The following PGM5 variants were observed in gnomAD, a reference collection of about 807,000 sequenced individuals.
The protein encoded by PGM5 is phosphoglucomutase-like protein 5.
PGM5 carries 23 observed loss-of-function variants against 59.2 expected under a neutral mutation model. The ratio of observed to expected loss-of-function variants is 0.39; its 90% CI spans 0.28 to 0.55. The LOEUF is 0.55. Among genes scored for constraint, PGM5 ranks in the 20% least tolerant of loss-of-function variants. The pLI, the probability that PGM5 is intolerant of heterozygous loss-of-function variation, is 0.66. For missense variants in PGM5, 574 were observed against 748.3 expected (o/e 0.77, Z 2.72); for synonymous variants, 214 against 286.0 (o/e 0.75, Z 2.54).
intron 10 of PGM5, among the ~76,000 whole-genome samples, chr9:68,510,683 G>T (rs572559901): frequency 4.8e-4 from 73 of 152,268 alleles, no homozygotes; most frequent in African/African-American, 1.7e-3. Context: ...CCAGGTTAAA[G>T]GTCATGGCCT....
intron 10 of PGM5, among the ~76,000 whole-genome samples, chr9:68,503,052 G>T (rs1564023944): frequency 1.3e-5 from 2 of 152,044 alleles, no homozygotes; most frequent in Non-Finnish European, 2.9e-5. Flanking sequence ...TAAGAACCAG[G>T]TCCCTCATAT....
At position 68,452,463 on chromosome 9, in the gene PGM5, A is replaced by G. The variant is rs180889407; in HGVS notation, c.1044-12630A>G. Among the ~76,000 whole-genome samples the G allele has an allele frequency of 2.0e-5, 3 of 152,282 alleles. No homozygotes were observed. The East Asian group carries it at 5.8e-4, about 29-fold the overall frequency. ...AGTCTCTGCTTCTCCAGTTGATCTC[A>G]GGAACTTCCTGTTCTCACCAACCTA... On this transcript the variant is annotated intron_variant, in intron 6 of 10. Transcript: ENST00000396396.
intron 2 of PGM5, among the ~76,000 whole-genome samples, chr9:68,383,694 C>CA (rs71353049): frequency 0.36 from 35,519 of 99,216 alleles, 5,274 homozygotes; most frequent in Admixed American, 0.45. Context: ...AACCTTGTTG[C>CA]AAAAAAAAAA....
intron 6 of PGM5, chr9:68,398,694 G>T (rs1276234505): frequency 2.0e-5 from 3 of 152,170 alleles, no homozygotes; most frequent in Admixed American, 2.0e-4. Flanking sequence ...TGCCTCCTGG[G>T]GAAGAGAACA....
intron 10 of PGM5, among the ~76,000 whole-genome samples, chr9:68,500,420 G>A (rs1330128544): frequency 6.6e-6 from 1 of 151,974 alleles, no homozygotes; most frequent in Non-Finnish European, 1.5e-5. Context: ...TCTGTCTGGA[G>A]TAAAATCATC....
chr9:68,360,658 G>A (rs1554676215), intron 1 of PGM5, among the ~76,000 whole-genome samples: 3 of 151,894 alleles, frequency 2.0e-5, no homozygotes, highest in Admixed American at 1.3e-4. Context: ...GCAGAGAGAT[G>A]AGATTAATGG....
At chr9:68,480,009 G>A (rs1465654094) in intron 8 of PGM5, among the ~76,000 whole-genome samples, 1 of 151,810 alleles carries the variant, frequency 6.6e-6, no homozygotes, top group African/African-American at 2.4e-5. Context: ...ATAGATAGTT[G>A]GGGGTGGTGT....
intron 10 of PGM5, among the ~76,000 whole-genome samples, chr9:68,527,275 C>A (rs1356340134): frequency 1.3e-5 from 2 of 152,148 alleles, no homozygotes; most frequent in African/African-American, 4.8e-5. Context: ...CCGTAAGGTT[C>A]AAATTCATTT....
At chr9:68,496,145 C>G (rs1261872694) in intron 9 of PGM5, among the ~76,000 whole-genome samples, 1 of 152,170 alleles carries the variant, frequency 6.6e-6, no homozygotes, top group Non-Finnish European at 1.5e-5. Flanking sequence ...TATTGGTATT[C>G]TTTCATTGAA....
intron 6 of PGM5, among the ~76,000 whole-genome samples, chr9:68,444,950 C>T (rs114888902): frequency 7.9e-5 from 12 of 152,296 alleles, no homozygotes; most frequent in African/African-American, 2.4e-4. Flanking sequence ...GCTGGCATTA[C>T]GACCCCAGGG....
intron 9 of PGM5, among the ~76,000 whole-genome samples, chr9:68,491,342 T>C (rs1316332923): frequency 6.6e-6 from 1 of 152,204 alleles, no homozygotes; most frequent in Non-Finnish European, 1.5e-5. Context: ...GAAGAATGGG[T>C]AGAAGGCAGC....
chr9:68,449,026 C>G (rs1823655959), intron 6 of PGM5, among the ~76,000 whole-genome samples: 1 of 152,138 alleles, frequency 6.6e-6, no homozygotes. Context: ...GATCAAGGAC[C>G]CAGCAGATTC....
intron 10 of PGM5, 57 bp from the exon 11 acceptor site, chr9:68,529,510 A>C: frequency 8.2e-7 from 1 of 1,224,226 alleles, no homozygotes; most frequent in Non-Finnish European, 1.2e-6. Flanking sequence ...ATCCATCAGA[A>C]TGCCCCAAAA....
intron 10 of PGM5, among the ~76,000 whole-genome samples, chr9:68,514,375 G>A (rs1378160560): frequency 6.6e-6 from 1 of 152,138 alleles, no homozygotes; most frequent in African/African-American, 2.4e-5. Context: ...GCTGAGACGG[G>A]TGAATCACCT....
chr9:68,364,323 C>T (rs1306175616), intron 1 of PGM5, among the ~76,000 whole-genome samples: 5 of 152,100 alleles, frequency 3.3e-5, no homozygotes, highest in African/African-American at 1.2e-4. Flanking sequence ...CTTGGTTTTG[C>T]ATTTACTAGA....
intron 6 of PGM5, among the ~76,000 whole-genome samples, chr9:68,430,725 C>A (rs1313488074): frequency 6.6e-6 from 1 of 152,276 alleles, no homozygotes; most frequent in East Asian, 1.9e-4. Flanking sequence ...AAATCATATA[C>A]CCCTAAGTAT....
At chr9:68,392,898 G>A (rs1221491689) in intron 6 of PGM5, among the ~76,000 whole-genome samples, 3 of 152,110 alleles carry the variant, frequency 2.0e-5, no homozygotes, top group African/African-American at 7.2e-5. Flanking sequence ...AAAAGCATGG[G>A]TTTTGAGGTC....
intron 6 of PGM5, among the ~76,000 whole-genome samples, chr9:68,426,470 A>G (rs115104307): frequency 0.01 from 1,561 of 152,232 alleles, 32 homozygotes; most frequent in African/African-American, 0.035. Flanking sequence ...TCCACTTTTC[A>G]TATCTAATGT....
chr9:68,450,014 A>G (rs1430623999), intron 6 of PGM5, among the ~76,000 whole-genome samples: 2 of 152,184 alleles, frequency 1.3e-5, no homozygotes, highest in South Asian at 4.1e-4. Flanking sequence ...TGACCAGTAT[A>G]GTCAGCATGC....
Sources: gnomAD v4.1 joint callset for allele counts (sites outside exome capture counted in the v4.1 genomes callset) on GRCh38, gnomAD v4.1.1 for gene constraint, MANE v1.5 for transcripts, NCBI Gene and HGNC (gene_info 2026-07-23, HGNC 2026-07-21) for gene names.